PCCA: variants seen among roughly 807,000 people sequenced by gnomAD.
PCCA encodes propionyl-CoA carboxylase alpha chain, mitochondrial.
Under a neutral mutation model 101.3 loss-of-function variants are expected in PCCA, and 74 were observed. That is an observed-to-expected ratio of 0.73 (90% CI 0.61 to 0.89). The LOEUF is 0.89. Ranked by LOEUF, PCCA falls within the 40% of genes least tolerant of loss-of-function variation. The pLI is 0.00. For missense variants in PCCA, 891 were observed against 907.0 expected (o/e 0.98, Z 0.23); for synonymous variants, 294 against 313.6 (o/e 0.94, Z 0.66).
At chr13:100,454,784 A>T (rs2081588508) in intron 21 of PCCA, among the ~76,000 whole-genome samples, 1 of 152,238 alleles carries the variant, frequency 6.6e-6, no homozygotes, top group African/African-American at 2.4e-5. Context: ...CTTAGAGAAA[A>T]TACAAACTTA....
In PCCA at chr13:100,471,061, C is replaced by A. The variant is rs139988808; in HGVS notation, c.1899+21756C>A. The stretch of plus-strand genomic sequence containing the variant: ...GCTTTCTCAGTAAGCTTAATCATTT[C>A]TAGCTTTTGATTTAAAGTGAGAGAC... On this transcript the variant is annotated intron_variant, in intron 21 of 23. Coordinates refer to ENST00000376285, the MANE Select transcript of PCCA (RefSeq NM_000282.4). Among the ~76,000 whole-genome samples the A allele has an allele frequency of 1.1e-3, 167 of 152,264 alleles. 1 individual carries two copies. The highest frequency in any genetic ancestry group is 3.8e-3 in the African/African-American group (159 of 41,538).
chr13:100,331,934 A>ATTTTTTTTTTT (rs34411352), intron 17 of PCCA, among the ~76,000 whole-genome samples: 2 of 89,766 alleles, frequency 2.2e-5, no homozygotes, highest in Admixed American at 1.5e-4. Context: ...ATTACTTTGG[A>ATTTTTTTTTTT]TTTTTTTTTT....
At chr13:100,123,355 C>T (rs1048523664) in intron 4 of PCCA, among the ~76,000 whole-genome samples, 1 of 152,102 alleles carries the variant, frequency 6.6e-6, no homozygotes, top group East Asian at 1.9e-4. Flanking sequence ...GCACCTGGCC[C>T]TGAATAACTC....
At chr13:100,290,770 A>G (rs1236935935) in intron 12 of PCCA, among the ~76,000 whole-genome samples, 3 of 152,148 alleles carry the variant, frequency 2.0e-5, no homozygotes, top group African/African-American at 7.2e-5. Flanking sequence ...GATAACTGTC[A>G]TTTTATATTT....
intron 18 of PCCA, among the ~76,000 whole-genome samples, chr13:100,360,185 T>A (rs2074416179): frequency 6.6e-6 from 1 of 151,900 alleles, no homozygotes; most frequent in South Asian, 2.1e-4. Context: ...CTTTTTTTTT[T>A]CTTTAACCAT....
intron 4 of PCCA, chr13:100,154,740 G>A (rs2053695178): frequency 2.0e-6 from 1 of 488,674 alleles, no homozygotes; most frequent in Non-Finnish European, 3.7e-6. Flanking sequence ...AAAGAGATAG[G>A]GGATATTATG....
chr13:100,150,243 A>G (rs1045213685), intron 4 of PCCA, among the ~76,000 whole-genome samples: 15 of 152,246 alleles, frequency 9.9e-5, no homozygotes, highest in African/African-American at 3.6e-4. Context: ...CATGTTGGTC[A>G]GGCTGGTCTT....
At chr13:100,496,637 A>G (rs965199379) in intron 21 of PCCA, among the ~76,000 whole-genome samples, 1 of 151,934 alleles carries the variant, frequency 6.6e-6, no homozygotes, top group African/African-American at 2.4e-5. Flanking sequence ...TGAAGTTACT[A>G]CTTTCCTTTT....
chr13:100,514,115 CTTTTA>C (rs1372199137), intron 21 of PCCA, among the ~76,000 whole-genome samples: 1 of 152,168 alleles, frequency 6.6e-6, no homozygotes, highest in Non-Finnish European at 1.5e-5. Context: ...GAGCAAAAAG[CTTTTA>C]TTTGCACTGT....
rs1356692648 is a variant in PCCA at position 100,307,012 on chromosome 13, T to C, written c.1285-180T>C. 6.6e-5 allele frequency among the ~76,000 whole-genome samples: 10 copies of C among 152,224 alleles called. No individual in the cohort carries two copies. The East Asian group carries it at 1.9e-3, about 29-fold the overall frequency. ...CGTCATTCAGTGGCAGAACAAAAAA[T>C]GTGTTGCATTACATATTAACGGATC... On this transcript the variant is annotated intron_variant, in intron 14 of 23. Coordinates refer to ENST00000376285, the MANE Select transcript of PCCA (RefSeq NM_000282.4).
intron 11 of PCCA, among the ~76,000 whole-genome samples, chr13:100,272,946 A>G (rs1465537110): frequency 6.6e-6 from 1 of 152,202 alleles, no homozygotes; most frequent in African/African-American, 2.4e-5. Flanking sequence ...GAATGGATTG[A>G]AGTTGCAGAG....
intron 21 of PCCA, among the ~76,000 whole-genome samples, chr13:100,493,176 CT>C (rs1382528807): frequency 6.6e-6 from 1 of 152,240 alleles, no homozygotes; most frequent in Non-Finnish European, 1.5e-5. Flanking sequence ...ACACCTGCCC[CT>C]GCCCATCTGC....
intron 4 of PCCA, among the ~76,000 whole-genome samples, chr13:100,125,135 T>G (rs200439882): frequency 6.7e-6 from 1 of 149,126 alleles, no homozygotes; most frequent in Non-Finnish European, 1.5e-5. Context: ...GACCTTTTAT[T>G]TGTGTGTGTG....
intron 23 of PCCA, among the ~76,000 whole-genome samples, chr13:100,529,707 A>G (rs1325558294): frequency 2.0e-5 from 3 of 152,164 alleles, no homozygotes; most frequent in Admixed American, 2.0e-4. Context: ...ATTAATTCTC[A>G]GAGAACATTT....
chr13:100,419,816 G>A (rs1271971038), intron 19 of PCCA, among the ~76,000 whole-genome samples: 4 of 152,200 alleles, frequency 2.6e-5, no homozygotes, highest in East Asian at 3.8e-4. Flanking sequence ...CTATGGCTTC[G>A]ATTTTGGTAA....
At chr13:100,431,166 G>T (rs1278457234) in intron 20 of PCCA, among the ~76,000 whole-genome samples, 2 of 151,918 alleles carry the variant, frequency 1.3e-5, no homozygotes, top group African/African-American at 2.4e-5. Flanking sequence ...ATCTCATTAT[G>T]GTTTTAATGT....
chr13:100,281,377 G>T (rs531548008), intron 12 of PCCA, among the ~76,000 whole-genome samples: 1 of 152,288 alleles, frequency 6.6e-6, no homozygotes, highest in South Asian at 2.1e-4. Flanking sequence ...AGATGGAAAA[G>T]ACATTAAATG....
At chr13:100,201,955 G>T (rs1258663521) in intron 6 of PCCA, among the ~76,000 whole-genome samples, 1 of 150,664 alleles carries the variant, frequency 6.6e-6, no homozygotes, top group Non-Finnish European at 1.5e-5. Context: ...TGTTGTATTG[G>T]ACTTCTCAGA....
At chr13:100,477,447 T>A (rs778256824) in intron 21 of PCCA, 2 of 152,220 alleles carry the variant, frequency 1.3e-5, no homozygotes, top group Non-Finnish European at 2.9e-5. Context: ...AAAATACTAC[T>A]GAAAGTTATA....
Sources: gnomAD v4.1 joint callset for allele counts (sites outside exome capture counted in the v4.1 genomes callset) on GRCh38, gnomAD v4.1.1 for gene constraint, MANE v1.5 for transcripts, NCBI Gene and HGNC (gene_info 2026-07-23, HGNC 2026-07-21) for gene names.